VEPH1: variants seen among roughly 807,000 people sequenced by gnomAD.
VEPH1 encodes ventricular zone expressed PH domain containing 1, also known as ventricular zone-expressed PH domain-containing protein homolog 1.
VEPH1 carries 80 observed loss-of-function variants against 85.2 expected under a neutral mutation model. That is an observed-to-expected ratio of 0.94 (90% CI 0.78 to 1.13). VEPH1 has a LOEUF of 1.13. Ranked by LOEUF, VEPH1 falls within the 50% of genes most tolerant of loss-of-function variation. The probability of loss-of-function intolerance (pLI) is 0.00; values close to 1 mark genes in which losing one functional copy is unlikely to be tolerated. For missense variants in VEPH1, 955 were observed against 980.5 expected, an observed-to-expected ratio of 0.97 and a Z score of 0.35; for synonymous variants, 297 against 348.0, an observed-to-expected ratio of 0.85 and a Z score of 1.63.
intron 2 of VEPH1, among the ~76,000 whole-genome samples, chr3:157,475,082 G>T (rs1251688118): frequency 6.6e-6 from 1 of 151,526 alleles, no homozygotes; most frequent in Non-Finnish European, 1.5e-5. Flanking sequence ...TGGGCTCAAG[G>T]GTTCCTCCTA....
intron 1 of VEPH1, among the ~76,000 whole-genome samples, chr3:157,501,992 C>A (rs1740150776): frequency 6.6e-6 from 1 of 152,196 alleles, no homozygotes; most frequent in Non-Finnish European, 1.5e-5. Flanking sequence ...ATCTTTTTCA[C>A]ACAGCGTGAA....
intron 3 of VEPH1, among the ~76,000 whole-genome samples, chr3:157,467,197 T>A (rs1269652606): frequency 1.4e-5 from 2 of 146,434 alleles, no homozygotes; most frequent in Admixed American, 1.4e-4. Context: ...AAAAAAAAAA[T>A]CAAATGAAAT....
chr3:157,286,720 G>A, intron 11 of VEPH1, 46 bp from the exon 12 acceptor site: 1 of 1,467,914 alleles, frequency 6.8e-7, no homozygotes, highest in Non-Finnish European at 9.5e-7. Flanking sequence ...TGCTCTGCCT[G>A]CTACCTAACA....
At chr3:157,348,518 T>G (rs1204719474) in intron 9 of VEPH1, among the ~76,000 whole-genome samples, 1 of 152,264 alleles carries the variant, frequency 6.6e-6, no homozygotes, top group Non-Finnish European at 1.5e-5. Context: ...GTTGAACATT[T>G]TTTATATACT....
intron 12 of VEPH1, among the ~76,000 whole-genome samples, chr3:157,266,933 C>A (rs1320208338): frequency 6.6e-6 from 1 of 152,166 alleles, no homozygotes; most frequent in East Asian, 1.9e-4. Context: ...CTGGACTGTG[C>A]CTGTTTGACC....
At chr3:157,383,981 C>T (rs1368282471) in intron 6 of VEPH1, among the ~76,000 whole-genome samples, 2 of 152,024 alleles carry the variant, frequency 1.3e-5, no homozygotes, top group Non-Finnish European at 2.9e-5. Flanking sequence ...TTTTCTATTC[C>T]TGATTTAAAG....
intron 6 of VEPH1, among the ~76,000 whole-genome samples, chr3:157,411,271 G>A (rs375763276): frequency 6.6e-6 from 1 of 152,164 alleles, no homozygotes; most frequent in African/African-American, 2.4e-5. Flanking sequence ...ATGTGTAAGA[G>A]AATCAGATAT....
chr3:157,344,336 C>G (rs533494022), intron 9 of VEPH1, among the ~76,000 whole-genome samples: 18 of 152,260 alleles, frequency 1.2e-4, no homozygotes, highest in African/African-American at 2.4e-4. Flanking sequence ...AAAGTCTCAG[C>G]ATACAAAATC....
chr3:157,277,246 C>T (rs527838553), intron 12 of VEPH1, among the ~76,000 whole-genome samples: 2 of 152,228 alleles, frequency 1.3e-5, no homozygotes, highest in South Asian at 2.1e-4. Context: ...CACACATATC[C>T]GATGTTGGTC....
At chr3:157,401,564 C>T (rs567466355) in intron 6 of VEPH1, among the ~76,000 whole-genome samples, 22 of 152,170 alleles carry the variant, frequency 1.4e-4, no homozygotes, top group South Asian at 4.1e-4. Context: ...TATTTCATTA[C>T]TTATAGAGAA....
chr3:157,414,905 A>C (rs1231155270), intron 5 of VEPH1, among the ~76,000 whole-genome samples: 1 of 152,102 alleles, frequency 6.6e-6, no homozygotes, highest in African/African-American at 2.4e-5. Flanking sequence ...TATTTACTTT[A>C]TTGATTTGTC....
chr3:157,481,486 A>AAAAAAC (rs57277738), intron 2 of VEPH1, among the ~76,000 whole-genome samples: 68 of 78,934 alleles, frequency 8.6e-4, no homozygotes, highest in African/African-American at 2.5e-3. Flanking sequence ...AAAAAAAAAA[A>AAAAAAC]CAATCCTAAG....
At chr3:157,296,093 T>G (rs916657621) in intron 11 of VEPH1, among the ~76,000 whole-genome samples, 25 of 152,242 alleles carry the variant, frequency 1.6e-4, no homozygotes, top group Non-Finnish European at 2.6e-4. Context: ...GAAATCACAT[T>G]GCAAAAGATA....
At chr3:157,360,182 G>A (rs1725889079) in intron 9 of VEPH1, among the ~76,000 whole-genome samples, 1 of 152,156 alleles carries the variant, frequency 6.6e-6, no homozygotes, top group Non-Finnish European at 1.5e-5. Flanking sequence ...CTGCTGGTGT[G>A]TCACTGAATA....
At chr3:157,460,834 T>C (rs1484174088) in intron 3 of VEPH1, among the ~76,000 whole-genome samples, 2 of 151,976 alleles carry the variant, frequency 1.3e-5, no homozygotes, top group South Asian at 4.2e-4. Flanking sequence ...AAGTGTGGTA[T>C]GTGTGAGAAA....
At chr3:157,314,302 C>T (rs1720475735) in intron 10 of VEPH1, among the ~76,000 whole-genome samples, 1 of 119,128 alleles carries the variant, frequency 8.4e-6, no homozygotes, top group Non-Finnish European at 1.6e-5. Context: ...CACTGCACTC[C>T]AGCCTGGGTG....
At chr3:157,449,036 C>T (rs1734753213) in intron 4 of VEPH1, among the ~76,000 whole-genome samples, 2 of 152,166 alleles carry the variant, frequency 1.3e-5, no homozygotes, top group African/African-American at 4.8e-5. Flanking sequence ...CTTTCACCTT[C>T]CACCATGATT....
chr3:157,468,291 C>T (rs995429874), intron 3 of VEPH1, among the ~76,000 whole-genome samples: 1 of 152,140 alleles, frequency 6.6e-6, no homozygotes, highest in Non-Finnish European at 1.5e-5. Flanking sequence ...GTGACTAGTC[C>T]ATTTAGTGAT....
intron 5 of VEPH1, among the ~76,000 whole-genome samples, chr3:157,420,712 T>C (rs1489466704): frequency 6.6e-6 from 1 of 152,164 alleles, no homozygotes; most frequent in Non-Finnish European, 1.5e-5. Context: ...TGCTCTACAC[T>C]GTTGAGCAAA....
Sources: gnomAD v4.1 joint callset for allele counts (sites outside exome capture counted in the v4.1 genomes callset) on GRCh38, gnomAD v4.1.1 for gene constraint, MANE v1.5 for transcripts, NCBI Gene and HGNC (gene_info 2026-07-23, HGNC 2026-07-21) for gene names.